FBXL13: variants seen among roughly 807,000 people sequenced by gnomAD.
The protein encoded by FBXL13 is F-box and leucine-rich repeat protein 13.
Under a neutral mutation model 83.6 loss-of-function variants are expected in FBXL13, and 67 were observed. The ratio of observed to expected loss-of-function variants is 0.80; its 90% CI spans 0.66 to 0.98. The LOEUF (loss-of-function observed/expected upper bound fraction) is 0.98. FBXL13 is among the 50% of genes least tolerant of loss of function. The pLI is 0.00. For missense variants in FBXL13, 822 were observed against 866.5 expected (o/e 0.95, Z 0.64); for synonymous variants, 272 against 299.5 (o/e 0.91, Z 0.95).
intron 1 of FBXL13, among the ~76,000 whole-genome samples, chr7:103,061,796 A>C (rs1355351334): frequency 6.6e-6 from 1 of 151,846 alleles, no homozygotes; most frequent in Non-Finnish European, 1.5e-5. Flanking sequence ...AAATTAGCCA[A>C]GCATGGTGGC....
At chr7:102,854,362 G>T (rs1380798977) in intron 17 of FBXL13, among the ~76,000 whole-genome samples, 1 of 152,004 alleles carries the variant, frequency 6.6e-6, no homozygotes, top group Non-Finnish European at 1.5e-5. Flanking sequence ...CACATTCTGG[G>T]GACTGTTGTG....
chr7:102,919,822 G>T (rs1816641923), intron 10 of FBXL13, among the ~76,000 whole-genome samples: 1 of 152,050 alleles, frequency 6.6e-6, no homozygotes, highest in Admixed American at 6.6e-5. Context: ...ACTGAAAAAA[G>T]ATTTTTAAAA....
chr7:103,038,437 C>T (rs914655138), intron 2 of FBXL13, among the ~76,000 whole-genome samples: 2 of 152,266 alleles, frequency 1.3e-5, no homozygotes, highest in African/African-American at 4.8e-5. Flanking sequence ...ACGTCCCTGT[C>T]TGACAGCTCT....
chr7:103,046,685 G>A (rs1269777889), intron 2 of FBXL13: 3 of 152,034 alleles, frequency 2.0e-5, no homozygotes, highest in Non-Finnish European at 4.4e-5. Flanking sequence ...GCATAAATAA[G>A]GAAAAAATAT....
chr7:102,950,835 T>C (rs1168159705), intron 8 of FBXL13, among the ~76,000 whole-genome samples: 1 of 152,134 alleles, frequency 6.6e-6, no homozygotes, highest in East Asian at 1.9e-4. Flanking sequence ...AGATTGGTGG[T>C]TGTCAGAAGC....
intron 2 of FBXL13, among the ~76,000 whole-genome samples, chr7:103,050,639 C>T (rs927582743): frequency 1.3e-5 from 2 of 152,168 alleles, no homozygotes; most frequent in African/African-American, 4.8e-5. Flanking sequence ...AAAGTATTGC[C>T]TGTGGCAAGG....
chr7:103,027,587 A>C (rs1794077503), intron 4 of FBXL13, 29 bp from the exon 6 acceptor site: 1 of 1,408,556 alleles, frequency 7.1e-7, no homozygotes, highest in Non-Finnish European at 9.9e-7. Context: ...ATTACTGTAT[A>C]TATTAATAGT....
chr7:102,821,590 A>T lies in FBXL13; in HGVS notation c.2018+450T>A, dbSNP rs573201305. Among the ~76,000 whole-genome samples the T allele has an allele frequency of 1.2e-4, 18 of 152,322 alleles. No homozygotes were observed. The South Asian group carries it at 3.5e-3, about 30-fold the overall frequency. ...CTAATAGAACCTTACCTTCTATGTC[A>T]GGGAATGGTCAAGGATTCTCATTTT... is the stretch of plus-strand genomic sequence containing the variant. On this transcript the variant is annotated intron_variant, in intron 19 of 19. Coordinates refer to ENST00000313221, the Ensembl canonical transcript of FBXL13.
intron 18 of FBXL13, among the ~76,000 whole-genome samples, chr7:102,829,433 G>A (rs1199633191): frequency 6.6e-6 from 1 of 152,174 alleles, no homozygotes; most frequent in Non-Finnish European, 1.5e-5. Flanking sequence ...ATCCCTCTCA[G>A]AGGTGCATTG....
intron 8 of FBXL13, among the ~76,000 whole-genome samples, chr7:102,958,318 T>C (rs909385860): frequency 2.6e-5 from 4 of 151,038 alleles, no homozygotes; most frequent in African/African-American, 7.3e-5. Flanking sequence ...TTCTCATTCA[T>C]AGGTGGGAAA....
At chr7:102,875,901 A>C (rs138334495) in intron 16 of FBXL13, among the ~76,000 whole-genome samples, 84 of 152,270 alleles carry the variant, frequency 5.5e-4, no homozygotes, top group African/African-American at 1.9e-3. Context: ...AATGCAGCTG[A>C]TGATGATGAT....
intron 1 of FBXL13, among the ~76,000 whole-genome samples, chr7:103,065,716 G>A (rs1288862619): frequency 1.3e-5 from 2 of 152,216 alleles, no homozygotes; most frequent in African/African-American, 4.8e-5. Context: ...CCTCCCCAAG[G>A]CTGAGATTCA....
intron 6 of FBXL13, among the ~76,000 whole-genome samples, chr7:103,016,323 G>C (rs1585371610): frequency 2.7e-5 from 4 of 149,870 alleles, no homozygotes; most frequent in African/African-American, 4.9e-5. Context: ...AATGTGGGGG[G>C]GGTGGGGGGA....
At chr7:102,976,350 A>C in intron 6 of FBXL13, 1 of 602,224 alleles carries the variant, frequency 1.7e-6, no homozygotes, top group South Asian at 2.0e-5. Flanking sequence ...AAGCCTCCAA[A>C]CCCTGAGCCC....
At chr7:102,906,951 GT>G (rs996345122) in intron 11 of FBXL13, among the ~76,000 whole-genome samples, 2 of 151,078 alleles carry the variant, frequency 1.3e-5, no homozygotes, top group African/African-American at 4.9e-5. Flanking sequence ...GTTTGATTGG[GT>G]TTTTTTTGTT....
chr7:103,026,856 A>G (rs1195285388), intron 5 of FBXL13, among the ~76,000 whole-genome samples: 1 of 152,186 alleles, frequency 6.6e-6, no homozygotes, highest in Non-Finnish European at 1.5e-5. Context: ...TTAATAAAAT[A>G]TCTCCTACTA....
At chr7:102,888,887 C>T (rs1811144653) in intron 11 of FBXL13, among the ~76,000 whole-genome samples, 1 of 152,070 alleles carries the variant, frequency 6.6e-6, no homozygotes, top group Non-Finnish European at 1.5e-5. Context: ...TCTGGCTCTA[C>T]CTCTTTCTTG....
At chr7:102,917,015 A>T (rs1816028313) in intron 10 of FBXL13, among the ~76,000 whole-genome samples, 1 of 152,186 alleles carries the variant, frequency 6.6e-6, no homozygotes, top group African/African-American at 2.4e-5. Context: ...TAAATAAAAA[A>T]TTCTCTGAAA....
chr7:103,064,214 C>G (rs1798180908), intron 1 of FBXL13, among the ~76,000 whole-genome samples: 1 of 152,212 alleles, frequency 6.6e-6, no homozygotes, highest in African/African-American at 2.4e-5. Context: ...TGCCCTCCCC[C>G]ATGACCCTAT....
Sources: gnomAD v4.1 joint callset for allele counts (sites outside exome capture counted in the v4.1 genomes callset) on GRCh38, gnomAD v4.1.1 for gene constraint, MANE v1.5 for transcripts, NCBI Gene and HGNC (gene_info 2026-07-23, HGNC 2026-07-21) for gene names.